The following SERPINE2 variants were observed in gnomAD, a reference collection of about 807,000 sequenced individuals.
SERPINE2 encodes the protein glia-derived nexin.
In SERPINE2, 14 loss-of-function variants were observed where a neutral mutation model predicts 36.3. That is an observed-to-expected ratio of 0.39 (90% confidence interval 0.25 to 0.60). SERPINE2 has a LOEUF of 0.60. Ranked by LOEUF, SERPINE2 falls within the 20% of genes least tolerant of loss-of-function variation. SERPINE2 has a pLI of 0.57. For synonymous variants in SERPINE2, 192 were observed against 191.8 expected (o/e 1.00, Z -0.01); for missense variants, 418 against 499.6 (o/e 0.84, Z 1.56).
chr2:224,001,172 C>CT (rs1243550169), intron 2 of SERPINE2, among the ~76,000 whole-genome samples: 2 of 152,118 alleles, frequency 1.3e-5, no homozygotes, highest in Admixed American at 1.3e-4. Context: ...GTCTGTGCAA[C>CT]TTTATCATTT....
At chr2:223,977,807 C>A in intron 7 of SERPINE2, 180 bp from the exon 8 acceptor site, 1 of 562,696 alleles carries the variant, frequency 1.8e-6, no homozygotes, top group Non-Finnish European at 3.2e-6. Flanking sequence ...CTAAGCCTAC[C>A]TTGGGCCAGG....
At chr2:223,976,476 G>C (rs964276529) in intron 8 of SERPINE2, among the ~76,000 whole-genome samples, 2 of 152,076 alleles carry the variant, frequency 1.3e-5, no homozygotes, top group Non-Finnish European at 2.9e-5. Context: ...TAAAGTTAAT[G>C]TTAAATAGCC....
At chr2:223,983,160 G>T (rs1690287766) in intron 5 of SERPINE2, among the ~76,000 whole-genome samples, 1 of 152,230 alleles carries the variant, frequency 6.6e-6, no homozygotes. Flanking sequence ...TCCAACTAAA[G>T]TTCTCCATAT....
rs56799419 is a variant in SERPINE2, at chr2:223,975,729, C to T, written c.*138G>A. ...CCTCCCAGAACAGAAACACTTGCAT[C>T]GAGTCTGTTCCTAAGAACTAGTTTT... On this transcript the variant is annotated 3_prime_UTR_variant, in exon 9 of 9. Transcript: ENST00000409304. 3.1e-3 allele frequency: 1,978 copies of T among 639,820 alleles called. 25 individuals carry two copies. Among genetic ancestry groups the T allele is most frequent in the African/African-American group, 0.029 (1,572 of 55,084 alleles). The allele number at this position is 639,820 out of a possible 1,614,324, so 39.6% of individuals were successfully genotyped here.
At chr2:224,028,226 G>C (rs1692248440) in intron 1 of SERPINE2, among the ~76,000 whole-genome samples, 1 of 152,192 alleles carries the variant, frequency 6.6e-6, no homozygotes, top group Non-Finnish European at 1.5e-5. Context: ...CCTTTGCCAA[G>C]CAACTTGAGT....
At chr2:224,010,079 T>C (rs1691571453) in intron 1 of SERPINE2, among the ~76,000 whole-genome samples, 2 of 152,154 alleles carry the variant, frequency 1.3e-5, no homozygotes, top group African/African-American at 4.8e-5. Context: ...CAAACTAAAG[T>C]ACATCTTGGT....
At chr2:223,988,277 C>T (rs1690518114) in intron 4 of SERPINE2, among the ~76,000 whole-genome samples, 2 of 152,116 alleles carry the variant, frequency 1.3e-5, no homozygotes, top group Admixed American at 1.3e-4. Context: ...CAAGTGAACC[C>T]CCGACCTCAG....
At position 224,036,489 on chromosome 2, in the gene SERPINE2, G is replaced by A. The variant is rs1172067064; in HGVS notation, c.-23+2610C>T. 2.6e-5 allele frequency among the ~76,000 whole-genome samples: 4 copies of A among 151,826 alleles called. No individual in the cohort carries two copies. In the South Asian group the frequency reaches 6.3e-4, roughly 24 times the overall value. ...CACACTGGGGCCTGTGGTGGGGGGC[G>A]GGGAGTGAGGTAGGGGAGGGATAGC... On this transcript the variant is annotated intron_variant, in intron 1 of 8. Coordinates refer to ENST00000409304, the MANE Select transcript of SERPINE2 (RefSeq NM_001136528.2).
chr2:224,028,610 G>C (rs773102120), intron 1 of SERPINE2, among the ~76,000 whole-genome samples: 1 of 152,174 alleles, frequency 6.6e-6, no homozygotes, highest in Non-Finnish European at 1.5e-5. Flanking sequence ...TCGGAGCCGG[G>C]TGTTCTACAC....
rs1204336869 is a variant in SERPINE2, at chr2:223,975,476, TA to T, written c.*390del. ...TTTTCATAAAAAGTAAAAGCTACCA[TA>T]AAACATTTTTTTTTCTGTCACACTG... On this transcript the variant is annotated 3_prime_UTR_variant, in exon 9 of 9. Transcript: ENST00000409304. 6.1e-6 allele frequency: 1 copy of T among 164,296 alleles called. No individual in the cohort carries two copies. The highest frequency in any genetic ancestry group is 1.3e-5 in the Non-Finnish European group (1 of 76,402). 10.2% of individuals were successfully genotyped at this position (164,296 alleles called of 1,614,324 possible). A position where few individuals can be genotyped will look rare whatever the true frequency, so the allele number is the denominator to read the frequency against.
At chr2:224,009,140 G>A (rs1691533210) in intron 1 of SERPINE2, among the ~76,000 whole-genome samples, 1 of 152,062 alleles carries the variant, frequency 6.6e-6, no homozygotes, top group South Asian at 2.1e-4. Context: ...ACAAACAACC[G>A]ACACACAGCA....
At chr2:224,006,888 G>A (rs191298526) in intron 1 of SERPINE2, among the ~76,000 whole-genome samples, 2 of 152,224 alleles carry the variant, frequency 1.3e-5, no homozygotes, top group East Asian at 3.9e-4. Context: ...TATGGGCTGG[G>A]CACCCACTTT....
chr2:224,034,144 C>A (rs1463964019), intron 1 of SERPINE2, among the ~76,000 whole-genome samples: 2 of 152,140 alleles, frequency 1.3e-5, no homozygotes, highest in Non-Finnish European at 2.9e-5. Flanking sequence ...AAAACACAGG[C>A]ACGTCTTTCT....
chr2:223,989,776 G>A (rs1347556263), intron 4 of SERPINE2, among the ~76,000 whole-genome samples: 1 of 152,232 alleles, frequency 6.6e-6, no homozygotes, highest in Non-Finnish European at 1.5e-5. Flanking sequence ...ATGAGAACAG[G>A]AGTGAGCAGC....
intron 1 of SERPINE2, chr2:224,030,135 G>T (rs1692313446): frequency 8.1e-6 from 8 of 985,464 alleles, no homozygotes; most frequent in Non-Finnish European, 9.6e-6. Context: ...AAATGCAAGG[G>T]TGGAGTCAGA....
intron 4 of SERPINE2, among the ~76,000 whole-genome samples, chr2:223,989,560 A>G (rs1690570845): frequency 6.6e-6 from 1 of 152,208 alleles, no homozygotes; most frequent in African/African-American, 2.4e-5. Flanking sequence ...AGCCCTGTCA[A>G]GACAATCCTT....
chr2:224,031,504 A>T, intron 1 of SERPINE2: 1 of 985,608 alleles, frequency 1.0e-6, no homozygotes, highest in African/African-American at 1.7e-5. Flanking sequence ...GATTCAGCCA[A>T]TCATAGAACC....
At chr2:223,980,885 C>A (rs1690204623) in intron 6 of SERPINE2, 1 of 155,124 alleles carries the variant, frequency 6.4e-6, no homozygotes, top group South Asian at 2.0e-4. Flanking sequence ...CCTGGCTCTT[C>A]ACAACAGCCA....
At chr2:224,023,491 G>C (rs1475122964) in intron 1 of SERPINE2, among the ~76,000 whole-genome samples, 1 of 152,204 alleles carries the variant, frequency 6.6e-6, no homozygotes, top group African/African-American at 2.4e-5. Flanking sequence ...GGAAAGTGCT[G>C]AGCTTGTATT....
Sources: gnomAD v4.1 joint callset for allele counts (sites outside exome capture counted in the v4.1 genomes callset) on GRCh38, gnomAD v4.1.1 for gene constraint, MANE v1.5 for transcripts, NCBI Gene and HGNC (gene_info 2026-07-23, HGNC 2026-07-21) for gene names.